Variants in MCTP2 observed in about 807,000 individuals in gnomAD.
The protein encoded by MCTP2 is multiple C2 and transmembrane domain containing 2.
Under a neutral mutation model 111.6 loss-of-function variants are expected in MCTP2, and 132 were observed. The observed-to-expected ratio is 1.18, with a 90% confidence interval of 1.03 to 1.37. The LOEUF (loss-of-function observed/expected upper bound fraction) is 1.37. Ranked by LOEUF, MCTP2 falls within the 40% of genes most tolerant of loss-of-function variation. MCTP2 has a pLI of 0.00. For synonymous variants in MCTP2, 395 were observed against 387.7 expected, an observed-to-expected ratio of 1.02 and a Z score of -0.22; for missense variants, 1,183 against 1,067.9, an observed-to-expected ratio of 1.11 and a Z score of -1.50.
intron 1 of MCTP2, among the ~76,000 whole-genome samples, chr15:94,264,253 T>G (rs1483818679): frequency 6.6e-6 from 1 of 152,170 alleles, no homozygotes; most frequent in Admixed American, 6.5e-5. Flanking sequence ...TATCACTTAC[T>G]GTTTTTGTGC....
chr15:94,272,389 G>A (rs1006706856), intron 1 of MCTP2, among the ~76,000 whole-genome samples: 1 of 152,158 alleles, frequency 6.6e-6, no homozygotes. Context: ...AGAGAAGCAC[G>A]TGCGTTTAGC....
Position 94,242,508 on chromosome 15 carries a change from T to C in MCTP2, c.-66+10844T>C, listed in dbSNP as rs547240373. Among the ~76,000 whole-genome samples the C allele has an allele frequency of 5.3e-5, 8 of 152,188 alleles. No homozygotes were observed. The East Asian group carries it at 1.2e-3, about 22-fold the overall frequency. On this transcript the variant is annotated intron_variant, in intron 1 of 22. Coordinates refer to ENST00000357742, the MANE Select transcript of MCTP2 (RefSeq NM_001385001.1). The stretch of plus-strand genomic sequence containing the variant: ...CATCTGTGCACTGCTGAGGTTTTTT[T>C]CTACATTGCCTTCTAACCAGGATAA...
In MCTP2 at chr15:94,479,363, T is replaced by G. The variant is rs2074612813; in HGVS notation, c.*329T>G. 1 of 336,744 alleles carries G rather than the reference T, an allele frequency of 3.0e-6. No individual in the cohort carries two copies. The highest frequency in any genetic ancestry group is 7.2e-5 in the South Asian group (1 of 13,838). 20.9% of individuals were successfully genotyped at this position (336,744 alleles called of 1,614,324 possible). On this transcript the variant is annotated 3_prime_UTR_variant, in exon 23 of 23. Coordinates refer to ENST00000357742, the MANE Select transcript of MCTP2 (RefSeq NM_001385001.1). ...CCTTGAGAACAGCCAGGAGCCCACT[T>G]GGATTCAAGAGTGACTTTGAACTTG...
chr15:94,287,057 C>T (rs1043739417), intron 1 of MCTP2, among the ~76,000 whole-genome samples: 18 of 152,238 alleles, frequency 1.2e-4, no homozygotes, highest in South Asian at 6.2e-4. Context: ...AAATATCCTT[C>T]GAGAGGAAGC....
chr15:94,476,320 A>G (rs369904453), intron 21 of MCTP2: 2 of 163,222 alleles, frequency 1.2e-5, no homozygotes, highest in South Asian at 3.1e-4. Context: ...AGCGTATTCC[A>G]AAAAAGCCAA....
intron 1 of MCTP2, among the ~76,000 whole-genome samples, chr15:94,245,999 C>T (rs1008497120): frequency 1.3e-5 from 2 of 151,986 alleles, no homozygotes; most frequent in Admixed American, 1.3e-4. Context: ...ATTTTAAAGG[C>T]AGATGAGGTC....
chr15:94,440,342 G>T, intron 18 of MCTP2, 44 bp downstream of exon 18: 2 of 1,609,482 alleles, frequency 1.2e-6, no homozygotes, highest in Non-Finnish European at 1.7e-6. Context: ...GCCGAGAAAT[G>T]TGTTAACAAC....
At chr15:94,340,770 C>T in intron 6 of MCTP2, 43 bp from the exon 7 acceptor site, 1 of 1,243,310 alleles carries the variant, frequency 8.0e-7, no homozygotes. Context: ...CAATACAGTC[C>T]TGTCAATAAG....
chr15:94,366,156 G>T (rs1231113789), intron 10 of MCTP2, among the ~76,000 whole-genome samples: 1 of 152,096 alleles, frequency 6.6e-6, no homozygotes, highest in South Asian at 2.1e-4. Flanking sequence ...TTCATAGATA[G>T]TAATGCAATT....
At chr15:94,279,670 G>T (rs2074383020) in intron 1 of MCTP2, among the ~76,000 whole-genome samples, 1 of 152,112 alleles carries the variant, frequency 6.6e-6, no homozygotes, top group Non-Finnish European at 1.5e-5. Flanking sequence ...AGTGGTGAGA[G>T]TGGGCATCTT....
intron 1 of MCTP2, among the ~76,000 whole-genome samples, chr15:94,253,885 G>A (rs908280578): frequency 2.0e-5 from 3 of 152,028 alleles, no homozygotes; most frequent in African/African-American, 7.3e-5. Flanking sequence ...TGGTAGTATA[G>A]CTCAATGGTG....
intron 12 of MCTP2, among the ~76,000 whole-genome samples, chr15:94,371,264 G>A (rs17630751): frequency 0.022 from 3,310 of 152,184 alleles, 106 homozygotes; most frequent in South Asian, 0.041. Context: ...GAGGCTTGTA[G>A]GTGAAGTACT....
chr15:94,294,374 GA>G (rs2075165408), intron 1 of MCTP2, among the ~76,000 whole-genome samples: 1 of 152,120 alleles, frequency 6.6e-6, no homozygotes, highest in Non-Finnish European at 1.5e-5. Flanking sequence ...AAATAAAGTT[GA>G]AAAAGTCATT....
intron 17 of MCTP2, among the ~76,000 whole-genome samples, chr15:94,426,895 A>G (rs972863548): frequency 6.6e-6 from 1 of 151,968 alleles, no homozygotes; most frequent in African/African-American, 2.4e-5. Flanking sequence ...GTTTTACCCC[A>G]TGCCTAGCCC....
At chr15:94,478,825 A>G (rs140085376) in intron 22 of MCTP2, 141 bp from the exon 23 acceptor site, 81 of 682,974 alleles carry the variant, frequency 1.2e-4, no homozygotes, top group African/African-American at 1.1e-3. Flanking sequence ...TAATCCCTCC[A>G]TGTTCCTGTG....
At chr15:94,234,656 G>T (rs2152205601) in intron 1 of MCTP2, among the ~76,000 whole-genome samples, 1 of 152,278 alleles carries the variant, frequency 6.6e-6, no homozygotes, top group East Asian at 1.9e-4. Flanking sequence ...TCTGAGAGCT[G>T]GTCTTCAAGA....
At chr15:94,250,854 T>TTA (rs1279462386) in intron 1 of MCTP2, among the ~76,000 whole-genome samples, 1 of 152,226 alleles carries the variant, frequency 6.6e-6, no homozygotes, top group African/African-American at 2.4e-5. Context: ...CTTCATTGTG[T>TTA]TATGAAATGT....
chr15:94,293,907 C>T (rs912367686), intron 1 of MCTP2, among the ~76,000 whole-genome samples: 34 of 152,186 alleles, frequency 2.2e-4, no homozygotes, highest in African/African-American at 7.7e-4. Flanking sequence ...ACACAAAAAA[C>T]CTGTACACAA....
intron 1 of MCTP2, among the ~76,000 whole-genome samples, chr15:94,247,824 A>G (rs1596171787): frequency 6.6e-6 from 1 of 152,100 alleles, no homozygotes; most frequent in Non-Finnish European, 1.5e-5. Flanking sequence ...GCAGGCTTGG[A>G]TTTCTAGTAA....
Sources: allele counts gnomAD v4.1 joint callset (sites outside exome capture counted in the v4.1 genomes callset), GRCh38; gene constraint gnomAD v4.1.1; transcripts MANE v1.5; gene names NCBI Gene and HGNC (gene_info 2026-07-23, HGNC 2026-07-21).